The following DNAJB12 variants were observed in gnomAD, a reference collection of about 807,000 sequenced individuals.
DNAJB12 encodes the protein dnaJ homolog subfamily B member 12.
Under a neutral mutation model 40.6 loss-of-function variants are expected in DNAJB12, and 14 were observed. The ratio of observed to expected loss-of-function variants is 0.34; its 90% CI spans 0.23 to 0.54. DNAJB12 has a LOEUF of 0.54. DNAJB12 is among the 20% of genes least tolerant of loss of function. DNAJB12 has a pLI of 0.92. For synonymous variants in DNAJB12, 181 were observed against 199.5 expected, an observed-to-expected ratio of 0.91 and a Z score of 0.78; for missense variants, 444 against 501.7, an observed-to-expected ratio of 0.89 and a Z score of 1.10.
In DNAJB12 at chr10:72,345,019, G is replaced by A. The variant is rs1011621315; in HGVS notation, c.242C>T (p.Ser81Leu). ...CTCTCCTCCAGCTTCACCGTTGGCC[G>A]AGGGGGCATCGGTCCCACCTGCTTT... ...HRKAGGTDAPSANGEAGGEST... is the reference protein window; with the variant it reads ...HRKAGGTDAPLANGEAGGEST... Residue 81 changes from serine (S) to leucine (L), a missense_variant, in exon 2 of 9, where the codon TCG (serine) becomes TTG (leucine). Ser to Leu is a moderately radical substitution (Grantham distance 145). Transcript: ENST00000444643. 7.4e-6 allele frequency: 12 copies of A among 1,614,106 alleles called. No individual in the cohort carries two copies. Among genetic ancestry groups the A allele is most frequent in the African/African-American group, 1.3e-5 (1 of 74,932 alleles).
chr10:72,348,136 C>A (rs1004310371), intron 1 of DNAJB12, among the ~76,000 whole-genome samples: 15 of 151,454 alleles, frequency 9.9e-5, no homozygotes, highest in African/African-American at 3.6e-4. Flanking sequence ...GGCACAGAAT[C>A]GCTTGAACCC....
intron 1 of DNAJB12, among the ~76,000 whole-genome samples, chr10:72,346,964 T>G (rs1481616587): frequency 3.9e-5 from 6 of 151,918 alleles, no homozygotes. Context: ...ACCATTGGTT[T>G]TTTTTTTTTT....
Position 72,335,724 on chromosome 10 carries a change from A to G in DNAJB12, c.*30+56T>C, listed in dbSNP as rs1589121980. 6.3e-7 allele frequency: 1 copy of G among 1,581,656 alleles called. No homozygotes were observed. The highest frequency in any genetic ancestry group is 1.2e-5 in the South Asian group (1 of 86,202). Reference sequence around the variant, plus strand: ...CTTTCTCCCCCTCCCTCCTCTGCTCATGACCAGGGCCAAAGCTGCCAGGAG... The same window carrying G: ...CTTTCTCCCCCTCCCTCCTCTGCTCGTGACCAGGGCCAAAGCTGCCAGGAG... On this transcript the variant is annotated intron_variant, in intron 8 of 8. Transcript: ENST00000444643. The surrounding 1 kb of genome is among the most constrained non-coding windows in gnomAD (Gnocchi z 4.4).
chr10:72,344,913 A>C, intron 2 of DNAJB12, 37 bp downstream of exon 2: 1 of 1,611,774 alleles, frequency 6.2e-7, no homozygotes, highest in Non-Finnish European at 8.5e-7. Flanking sequence ...AGATTTCCCC[A>C]GTCTCCCCAG....
intron 1 of DNAJB12, among the ~76,000 whole-genome samples, chr10:72,349,355 G>T (rs369513265): frequency 6.6e-6 from 1 of 152,018 alleles, no homozygotes; most frequent in Non-Finnish European, 1.5e-5. Context: ...GCTGGGTAGC[G>T]GGGGAGCTCC....
chr10:72,350,273 C>T (rs1215636992), intron 1 of DNAJB12, among the ~76,000 whole-genome samples: 2 of 151,872 alleles, frequency 1.3e-5, no homozygotes, highest in African/African-American at 4.8e-5. Flanking sequence ...GTGGCACATG[C>T]CTGTGGTCCC....
In DNAJB12 at chr10:72,354,677, C is replaced by T. The variant is rs187122468; in HGVS notation, c.133+88G>A. On this transcript the variant is annotated intron_variant, in intron 1 of 8. Coordinates refer to ENST00000444643, the MANE Select transcript of DNAJB12 (RefSeq NM_017626.7). ...GCGTAGCCGCGCCTCGCCACCCCTC[C>T]CCCTCCCCCAACTGCTCCCGTCGGT... 41 of 1,268,240 alleles carry T rather than the reference C, an allele frequency of 3.2e-5. No homozygotes were observed. In the Admixed American group the frequency reaches 4.0e-4, roughly 12 times the overall value. 78.6% of individuals were successfully genotyped at this position (1,268,240 alleles called of 1,614,324 possible).
chr10:72,352,697 T>C (rs925100549), intron 1 of DNAJB12, among the ~76,000 whole-genome samples: 2 of 152,206 alleles, frequency 1.3e-5, no homozygotes, highest in African/African-American at 4.8e-5. Context: ...TCTGTAAGTT[T>C]TGTCTCTTTC....
intron 1 of DNAJB12, among the ~76,000 whole-genome samples, chr10:72,352,464 C>T (rs996193084): frequency 2.0e-5 from 3 of 152,090 alleles, no homozygotes; most frequent in Non-Finnish European, 4.4e-5. Flanking sequence ...CAAAGCATTC[C>T]CTCACTGTGA....
Position 72,336,633 on chromosome 10 carries a change from G to A in DNAJB12, c.897C>T (p.Asp299=), listed in dbSNP as rs1402742382. ...AGCCTGTGTACTCTTCGGAGAAAGT[G>A]TCTCCCACATAGTAGACGACACCCA... ...DHLGVVYYVG[D]TFSEEYTGSS... is the part of the protein sequence containing the mutation. The change falls in exon 7 of 9, where the codon GAC becomes GAT. Residue 299 remains aspartate (D), a synonymous_variant. Coordinates refer to ENST00000444643, the MANE Select transcript of DNAJB12 (RefSeq NM_017626.7). The A allele has an allele frequency of 6.2e-7, 1 of 1,614,120 alleles. No homozygotes were observed. The highest frequency in any genetic ancestry group is 8.5e-7 in the Non-Finnish European group (1 of 1,179,984).
chr10:72,335,134 T>C lies in DNAJB12; in HGVS notation c.*31-517A>G, dbSNP rs1415108510. 2 of 988,988 alleles carry C rather than the reference T, an allele frequency of 2.0e-6. No individual in the cohort carries two copies. The highest frequency in any genetic ancestry group is 1.7e-5 in the African/African-American group (1 of 57,320). 61.3% of individuals were successfully genotyped at this position (988,988 alleles called of 1,614,324 possible). A position where few individuals can be genotyped will look rare whatever the true frequency, so the allele number is the denominator to read the frequency against. ...GGCCGGATGCCTGTGGCTTCCAGGCTGCCAGGTGTGACGGCATTCGAGAGA... is the reference window on the plus strand; with the variant it reads ...GGCCGGATGCCTGTGGCTTCCAGGCCGCCAGGTGTGACGGCATTCGAGAGA... On this transcript the variant is annotated intron_variant, in intron 8 of 8. Transcript: ENST00000444643. This position sits in a 1 kb window ranked among gnomAD's most constrained non-coding sequence, Gnocchi z 4.4.
chr10:72,338,620 G>A (rs1464966135), intron 5 of DNAJB12, among the ~76,000 whole-genome samples: 3 of 151,642 alleles, frequency 2.0e-5, no homozygotes, highest in Non-Finnish European at 2.9e-5. Flanking sequence ...GGGCTGGAAG[G>A]AGACATGCAG....
chr10:72,349,058 G>A (rs371099857), intron 1 of DNAJB12, among the ~76,000 whole-genome samples: 8 of 152,168 alleles, frequency 5.3e-5, no homozygotes, highest in East Asian at 1.9e-4. Flanking sequence ...GGTGGGGATC[G>A]GGGACAGGGA....
intron 2 of DNAJB12, 28 bp downstream of exon 2, chr10:72,344,922 A>G (rs1861740234): frequency 5.0e-6 from 8 of 1,613,452 alleles, no homozygotes; most frequent in Non-Finnish European, 6.8e-6. Context: ...CAGTCTCCCC[A>G]GGCTCCAGCC....
chr10:72,347,041 T>C (rs1427116625), intron 1 of DNAJB12, among the ~76,000 whole-genome samples: 1 of 151,704 alleles, frequency 6.6e-6, no homozygotes, highest in Non-Finnish European at 1.5e-5. Context: ...CTCAGCTCAC[T>C]GCAACCTCTG....
chr10:72,334,997 A>C, intron 8 of DNAJB12: 2 of 1,085,098 alleles, frequency 1.8e-6, no homozygotes, highest in Non-Finnish European at 2.2e-6. Context: ...GGAGCCTGCT[A>C]CCAGCAACTC....
rs566379436 is a variant in DNAJB12, at chr10:72,340,214, C to T, written c.723+575G>A. ...ACAAAATTAGCCGGGGGTGGTGGCA[C>T]GCACCCGTAATCCCAGTTACTCGGG... On this transcript the variant is annotated intron_variant, in intron 5 of 8. Transcript: ENST00000444643. Among the ~76,000 whole-genome samples, 14 of 151,796 alleles carry T rather than the reference C, an allele frequency of 9.2e-5. No individual in the cohort carries two copies. In the South Asian group the frequency reaches 1.5e-3, roughly 16 times the overall value.
At chr10:72,336,386 G>T in intron 7 of DNAJB12, 138 bp downstream of exon 7, 1 of 912,846 alleles carries the variant, frequency 1.1e-6, no homozygotes, top group East Asian at 2.5e-5. Flanking sequence ...CTCTTGTCTG[G>T]GAGGTGGCTG....
rs754356514 is a variant in DNAJB12, at chr10:72,335,939, G to A, written c.1007-8C>T. The A allele has an allele frequency of 3.7e-6, 6 of 1,614,052 alleles. No homozygotes were observed. Among genetic ancestry groups the A allele is most frequent in the South Asian group, 2.2e-5 (2 of 91,078 alleles). ...GGTACAGCAAGCCTTCCTCTGCAAAGCAATGGGACAGGGTTAGTGCACACC... is the reference window on the plus strand; with the variant it reads ...GGTACAGCAAGCCTTCCTCTGCAAAACAATGGGACAGGGTTAGTGCACACC... On this transcript the variant is annotated splice_region_variant and splice_polypyrimidine_tract_variant and intron_variant, in intron 7 of 8. Transcript: ENST00000444643. The surrounding 1 kb of genome is among the most constrained non-coding windows in gnomAD (Gnocchi z 4.4).
Sources: allele counts gnomAD v4.1 joint callset (sites outside exome capture counted in the v4.1 genomes callset), GRCh38; gene constraint gnomAD v4.1.1; non-coding constraint Gnocchi (gnomAD v3.1); transcripts MANE v1.5; gene names NCBI Gene and HGNC (gene_info 2026-07-23, HGNC 2026-07-21).